Variants in MEAK7 observed in about 807,000 individuals in gnomAD.
The protein encoded by MEAK7 is MTOR-associated protein MEAK7.
In MEAK7, 68 loss-of-function variants were observed where a neutral mutation model predicts 40.5. The observed-to-expected ratio is 1.68, with a 90% CI of 1.38 to 2.06. The LOEUF (loss-of-function observed/expected upper bound fraction) is 2.06. Among genes scored for constraint, MEAK7 ranks in the 30% most tolerant of loss-of-function variants. The pLI, the probability that MEAK7 is intolerant of heterozygous loss-of-function variation, is 0.00. For synonymous variants in MEAK7, 338 were observed against 231.9 expected, an observed-to-expected ratio of 1.46 and a Z score of -4.16; for missense variants, 918 against 580.5, an observed-to-expected ratio of 1.58 and a Z score of -5.98.
intron 3 of MEAK7, among the ~76,000 whole-genome samples, chr16:84,490,443 CT>C (rs770073812): frequency 4.6e-4 from 43 of 93,856 alleles, no homozygotes; most frequent in African/African-American, 2.1e-3. Context: ...TCTGCCCCGC[CT>C]TTTTTTTTTT....
At chr16:84,486,424 A>C in intron 5 of MEAK7, 1 of 1,361,018 alleles carries the variant, frequency 7.3e-7, no homozygotes, top group Non-Finnish European at 9.4e-7. Context: ...TCGCCTGAAA[A>C]CTGGGGGTCA....
At chr16:84,492,022 C>T (rs1258374446) in intron 3 of MEAK7, among the ~76,000 whole-genome samples, 2 of 152,082 alleles carry the variant, frequency 1.3e-5, no homozygotes, top group African/African-American at 4.8e-5. Flanking sequence ...ACAATTAAAG[C>T]CTCATTTTGA....
At chr16:84,495,115 A>C (rs1294969986) in intron 3 of MEAK7, among the ~76,000 whole-genome samples, 1 of 152,120 alleles carries the variant, frequency 6.6e-6, no homozygotes, top group African/African-American at 2.4e-5. Flanking sequence ...CTAAAAATAC[A>C]AAAATCGGCC....
intron 1 of MEAK7, 134 bp from the exon 2 acceptor site, chr16:84,498,245 C>A: frequency 9.2e-7 from 1 of 1,090,004 alleles, no homozygotes; most frequent in Non-Finnish European, 1.3e-6. Flanking sequence ...ATCAGAGCTA[C>A]ATAATACTGG....
In MEAK7 at chr16:84,486,647, C is replaced by A; in HGVS notation, c.942G>T (p.Val314=). The A allele has an allele frequency of 1.2e-6, 2 of 1,607,862 alleles. No homozygotes were observed. The highest frequency in any genetic ancestry group is 1.7e-6 in the Non-Finnish European group (2 of 1,177,088). ...AAGTCTTACCTTGAAACTGAGGCTT[C>A]ACCTCCCAAGAGCAAGAGGCAAACC... ...FGGFASCSWE[V]KPQFQGDNRC... Residue 314 remains valine (V), a synonymous_variant, in exon 5 of 8, where the codon GTG becomes GTT. Transcript: ENST00000343629.
At chr16:84,488,656 G>T (rs1384813145) in intron 4 of MEAK7, among the ~76,000 whole-genome samples, 1 of 152,034 alleles carries the variant, frequency 6.6e-6, no homozygotes. Context: ...GAATTCACAG[G>T]CATGGAGAAA....
chr16:84,503,850 C>T lies in MEAK7; in HGVS notation c.-26+751G>A, dbSNP rs532595207. The T allele has an allele frequency of 8.9e-4, 748 of 841,464 alleles. 6 individuals are homozygous for T. In the African/African-American group the frequency reaches 0.013, roughly 14 times the overall value. 52.1% of individuals were successfully genotyped at this position (841,464 alleles called of 1,614,324 possible). A position where few individuals can be genotyped will look rare whatever the true frequency, so the allele number is the denominator to read the frequency against. ...TGGCTTAGTCACCTCCTGCTCAGAG[C>T]TTCTCCAACAGGCTGTTACATGGCT... On this transcript the variant is annotated intron_variant, in intron 1 of 7. Transcript: ENST00000343629.
At position 84,482,615 on chromosome 16, in the gene MEAK7, G is replaced by A. The variant is rs745666656; in HGVS notation, c.1054C>T (p.Gln352Ter). Residue 352 changes from glutamine to a stop codon, truncating the protein, a stop_gained, in exon 6 of 8, where the codon CAG becomes TAG. Transcript: ENST00000343629. LOFTEE classifies it high-confidence loss of function. ...ACCAGTCCGTTCGGGATCGTCTGCT[G>A]TCCATGGTTCAAGTACATGTAGTGG... ...NDHYMYLNHG[Q>*]QTIPNGLGMG... is the part of the protein sequence containing the mutation. 2 of 1,614,236 alleles carry A rather than the reference G, an allele frequency of 1.2e-6. No homozygotes were observed. The highest frequency in any genetic ancestry group is 1.7e-5 in the Admixed American group (1 of 60,030).
intron 2 of MEAK7, among the ~76,000 whole-genome samples, chr16:84,496,545 G>T (rs1397938872): frequency 1.3e-5 from 2 of 152,118 alleles, no homozygotes; most frequent in African/African-American, 4.8e-5. Context: ...ACTGGCATAA[G>T]GACCAAGAAC....
chr16:84,476,623 G>C lies in MEAK7; in HGVS notation c.*3290C>G, dbSNP rs553701138. 1 of 152,142 alleles carries C rather than the reference G, an allele frequency of 6.6e-6. No homozygotes were observed. Among genetic ancestry groups the C allele is most frequent in the African/African-American group, 2.4e-5 (1 of 41,422 alleles). 9.4% of individuals were successfully genotyped at this position (152,142 alleles called of 1,614,324 possible). ...CTGCAGACGGTGGAACGCTAGGCCC[G>C]AGAGCATCCATATGGTGGGACATCA... On this transcript the variant is annotated 3_prime_UTR_variant, in exon 8 of 8. Coordinates refer to ENST00000343629, the MANE Select transcript of MEAK7 (RefSeq NM_020947.4).
chr16:84,477,066 AT>A lies in MEAK7; in HGVS notation c.*2846del, dbSNP rs373452123. ...GTTACCATGCCTGGTTAATTTTCGTATTTTTTTTTGTAGAGATGGGTTTTCG... is the reference window on the plus strand; with the variant it reads ...GTTACCATGCCTGGTTAATTTTCGTATTTTTTTTGTAGAGATGGGTTTTCG... On this transcript the variant is annotated 3_prime_UTR_variant, in exon 8 of 8. Transcript: ENST00000343629. 9.3e-5 allele frequency: 14 copies of A among 150,262 alleles called. No homozygotes were observed. Among genetic ancestry groups the A allele is most frequent in the African/African-American group, 2.7e-4 (11 of 40,808 alleles). 9.3% of individuals were successfully genotyped at this position (150,262 alleles called of 1,614,324 possible). A position where few individuals can be genotyped will look rare whatever the true frequency, so the allele number is the denominator to read the frequency against.
rs143501276 is a variant in MEAK7 at position 84,486,610 on chromosome 16, G to C, written c.958+21C>G. The C allele has an allele frequency of 2.1e-4, 330 of 1,581,162 alleles. No homozygotes were observed. In the African/African-American group the frequency reaches 2.6e-3, roughly 12 times the overall value. The stretch of plus-strand genomic sequence containing the variant: ...TGCCCGTGCTGTGCCACTCGTCAAG[G>C]TTCAGGACACCAAGTCTTACCTTGA... On this transcript the variant is annotated intron_variant, in intron 5 of 7. Transcript: ENST00000343629.
Position 84,476,767 on chromosome 16 carries a change from C to T in MEAK7, c.*3146G>A, listed in dbSNP as rs962745889. 5.3e-5 allele frequency: 8 copies of T among 152,226 alleles called. No homozygotes were observed. Among genetic ancestry groups the T allele is most frequent in the African/African-American group, 1.9e-4 (8 of 41,450 alleles). 9.4% of individuals were successfully genotyped at this position (152,226 alleles called of 1,614,324 possible). A position where few individuals can be genotyped will look rare whatever the true frequency, so the allele number is the denominator to read the frequency against. On this transcript the variant is annotated 3_prime_UTR_variant, in exon 8 of 8. Coordinates refer to ENST00000343629, the MANE Select transcript of MEAK7 (RefSeq NM_020947.4). ...TGATGCCCAGGTGTGCACCAAGTCA[C>T]AGGGAGGAGACCTGAGTGATTTTTG...
At chr16:84,497,823 G>C (rs1168102580) in intron 2 of MEAK7, 111 bp downstream of exon 2, 4 of 1,501,254 alleles carry the variant, frequency 2.7e-6, no homozygotes, top group Non-Finnish European at 3.7e-6. Flanking sequence ...CAACTTTTCA[G>C]TGTTGCCATC....
At chr16:84,497,435 G>A (rs919478269) in intron 2 of MEAK7, 26 of 1,288,932 alleles carry the variant, frequency 2.0e-5, no homozygotes, top group South Asian at 3.7e-5. Context: ...TAGAGGCAAC[G>A]GTGCACCTGA....
chr16:84,480,809 G>C, intron 6 of MEAK7, 101 bp from the exon 7 acceptor site: 2 of 1,336,104 alleles, frequency 1.5e-6, no homozygotes, highest in Admixed American at 2.7e-5. Context: ...ACCAGCCTGA[G>C]ACAGGGGCGG....
chr16:84,500,824 C>T (rs1298051252), intron 1 of MEAK7, among the ~76,000 whole-genome samples: 1 of 152,110 alleles, frequency 6.6e-6, no homozygotes, highest in Non-Finnish European at 1.5e-5. Context: ...ACAAAGCAGA[C>T]CCACCCTCTG....
At chr16:84,482,811 A>C in intron 5 of MEAK7, 101 bp from the exon 6 acceptor site, 1 of 1,527,756 alleles carries the variant, frequency 6.5e-7, no homozygotes, top group Non-Finnish European at 8.9e-7. Context: ...CAACAGGGCC[A>C]AGACCCTTCT....
In MEAK7 at chr16:84,479,900, C is replaced by T; in HGVS notation, c.*13G>A. On this transcript the variant is annotated 3_prime_UTR_variant, in exon 8 of 8. Transcript: ENST00000343629. ...AATCCAGGTCCTGGCTCCAGGAAGG[C>T]TCAGGCGGCTCCTCATTCATCGTCC... The T allele has an allele frequency of 1.3e-6, 2 of 1,580,548 alleles. No individual in the cohort carries two copies. Among genetic ancestry groups the T allele is most frequent in the South Asian group, 1.1e-5 (1 of 88,094 alleles).
Sources: allele counts gnomAD v4.1 joint callset (sites outside exome capture counted in the v4.1 genomes callset), GRCh38; gene constraint gnomAD v4.1.1; transcripts MANE v1.5; gene names NCBI Gene and HGNC (gene_info 2026-07-23, HGNC 2026-07-21).